The following CCKAR variants were observed in gnomAD, a reference collection of about 807,000 sequenced individuals.
CCKAR encodes the protein cholecystokinin A receptor, also known as cholecystokinin receptor type A.
Under a neutral mutation model 29.8 loss-of-function variants are expected in CCKAR, and 21 were observed. The observed-to-expected ratio is 0.70, with a 90% confidence interval of 0.50 to 1.01. CCKAR has a LOEUF of 1.01. Ranked by LOEUF, CCKAR falls within the 50% of genes least tolerant of loss-of-function variation. The pLI is 0.00. For synonymous variants in CCKAR, 238 were observed against 221.3 expected (o/e 1.08, Z -0.67); for missense variants, 570 against 560.6 (o/e 1.02, Z -0.17).
chr4:26,485,126 C>T lies in CCKAR; in HGVS notation c.626+511G>A, dbSNP rs546874386. 2.8e-4 allele frequency among the ~76,000 whole-genome samples: 41 copies of T among 148,668 alleles called. No homozygotes were observed. In the East Asian group the frequency reaches 8.0e-3, roughly 29 times the overall value. On this transcript the variant is annotated intron_variant, in intron 3 of 4. Transcript: ENST00000295589. ...GGAGAATTGCTTGAACCCGGGAGGTCGAGGTTGTGGTGAGCCGAGGTCACA... is the reference window on the plus strand; with the variant it reads ...GGAGAATTGCTTGAACCCGGGAGGTTGAGGTTGTGGTGAGCCGAGGTCACA...
intron 2 of CCKAR, among the ~76,000 whole-genome samples, chr4:26,487,919 CTTTT>C (rs35131979): frequency 1.5e-5 from 2 of 129,834 alleles, no homozygotes; most frequent in East Asian, 4.4e-4. Flanking sequence ...TAAGTTTTGT[CTTTT>C]TTTTTTTTTT....
At chr4:26,486,701 G>T (rs968990940) in intron 2 of CCKAR, among the ~76,000 whole-genome samples, 3 of 152,256 alleles carry the variant, frequency 2.0e-5, no homozygotes, top group African/African-American at 7.2e-5. Context: ...ATCACTTGAG[G>T]TCAGGAGCTT....
In CCKAR at chr4:26,490,369, T is replaced by C. The variant is rs1305499666; in HGVS notation, c.-102A>G. 3.9e-6 allele frequency: 3 copies of C among 773,236 alleles called. No homozygotes were observed. Among genetic ancestry groups the C allele is most frequent in the Admixed American group, 4.1e-5 (2 of 48,562 alleles). The allele number at this position is 773,236 out of a possible 1,614,324, so 47.9% of individuals were successfully genotyped here. A position where few individuals can be genotyped will look rare whatever the true frequency, so the allele number is the denominator to read the frequency against. ...AGCGTCTCGCAGATGCAACCTGCCG[T>C]GGAGGAGCAGGGAGGGAGTGATTTC... On this transcript the variant is annotated 5_prime_UTR_variant, in exon 1 of 5. Transcript: ENST00000295589.
chr4:26,485,256 C>G (rs1179592001), intron 3 of CCKAR, among the ~76,000 whole-genome samples: 2 of 151,528 alleles, frequency 1.3e-5, no homozygotes, highest in South Asian at 2.1e-4. Context: ...ATCAGCCTAA[C>G]CCTCCACTAC....
In CCKAR at chr4:26,482,057, T is replaced by C; in HGVS notation, c.868A>G (p.Ser290Gly). The change falls in exon 5 of 5, where the codon AGC (serine) becomes GGC (glycine). Residue 290 changes from serine to glycine, a missense_variant. Ser to Gly is a moderately conservative substitution (Grantham distance 56). Transcript: ENST00000295589. ...LELRQLSTGS[S>G]SRANRIRSNS... ...CTCCGGATGCGGTTGGCCCTGCTGC[T>C]GCTGCCGGTGGACAGCTGCCGGAGC... 1 of 1,614,238 alleles carries C rather than the reference T, an allele frequency of 6.2e-7. No individual in the cohort carries two copies. The highest frequency in any genetic ancestry group is 8.5e-7 in the Non-Finnish European group (1 of 1,180,034).
In CCKAR at chr4:26,482,082, C is replaced by A. The variant is rs769427298; in HGVS notation, c.843G>T (p.Glu281Asp). 1 of 1,614,234 alleles carries A rather than the reference C, an allele frequency of 6.2e-7. No individual in the cohort carries two copies. Among genetic ancestry groups the A allele is most frequent in the South Asian group, 1.1e-5 (1 of 91,084 alleles). Residue 281 changes from glutamate (E) to aspartate (D), a missense_variant, in exon 5 of 5, where the codon GAG becomes GAT. Coordinates refer to ENST00000295589, the MANE Select transcript of CCKAR (RefSeq NM_000730.3). ...TGCTGCCGGTGGACAGCTGCCGGAG[C>A]TCCAGCTTCCTCGGGGGCCTGGTCT... ...LQKTRPPRKL[E>D]LRQLSTGSSS...
chr4:26,487,056 T>C (rs890332515), intron 2 of CCKAR, among the ~76,000 whole-genome samples: 2 of 152,232 alleles, frequency 1.3e-5, no homozygotes, highest in African/African-American at 2.4e-5. Context: ...TGTATATGCA[T>C]ACTTATTAAA....
At position 26,482,100 on chromosome 4, in the gene CCKAR, C is replaced by T; in HGVS notation, c.825G>A (p.Arg275=). 6.2e-7 allele frequency: 1 copy of T among 1,614,178 alleles called. No individual in the cohort carries two copies. The highest frequency in any genetic ancestry group is 2.2e-5 in the East Asian group (1 of 44,862). ...DSDGCYLQKT[R]PPRKLELRQL... ...GCCGGAGCTCCAGCTTCCTCGGGGG[C>T]CTGGTCTTTTGCAGGTAACACCCAT... Residue 275 remains arginine, a synonymous_variant, in exon 5 of 5, where the codon AGG becomes AGA. Coordinates refer to ENST00000295589, the MANE Select transcript of CCKAR (RefSeq NM_000730.3).
Position 26,483,179 on chromosome 4 carries a change from G to C in CCKAR, c.731C>G (p.Ala244Gly). The stretch of plus-strand genomic sequence containing the variant: ...ACCTTTAGCAGACTTCTTCTGGCTA[G>C]CCTCAAATTTTATTCCCTGGTAGAG... ...LELYQGIKFE[A>G]SQKKSAKERK... Residue 244 changes from alanine (A) to glycine (G), a missense_variant, in exon 4 of 5, where the codon GCT becomes GGT. By Grantham distance (60) the Ala-to-Gly change is moderately conservative. Transcript: ENST00000295589. The C allele has an allele frequency of 6.2e-7, 1 of 1,613,754 alleles. No homozygotes were observed. Among genetic ancestry groups the C allele is most frequent in the Non-Finnish European group, 8.5e-7 (1 of 1,179,864 alleles).
chr4:26,486,288 T>C (rs1737449035), intron 2 of CCKAR, among the ~76,000 whole-genome samples: 1 of 152,226 alleles, frequency 6.6e-6, no homozygotes, highest in Non-Finnish European at 1.5e-5. Context: ...ATCGTCTGCA[T>C]AGTTAAAATG....
Position 26,482,063 on chromosome 4 carries a change from C to T in CCKAR, c.862G>A (p.Gly288Ser), listed in dbSNP as rs199789816. 19 of 1,614,206 alleles carry T rather than the reference C, an allele frequency of 1.2e-5. No individual in the cohort carries two copies. Among genetic ancestry groups the T allele is most frequent in the Admixed American group, 5.0e-5 (3 of 60,020 alleles). ...ATGCGGTTGGCCCTGCTGCTGCTGC[C>T]GGTGGACAGCTGCCGGAGCTCCAGC... Reference protein sequence around the residue: ...RKLELRQLSTGSSSRANRIRS... With the variant: ...RKLELRQLSTSSSSRANRIRS... Residue 288 changes from glycine (G) to serine (S), a missense_variant, in exon 5 of 5, where the codon GGC (glycine) becomes AGC (serine). By Grantham distance (56) the Gly-to-Ser change is moderately conservative. Transcript: ENST00000295589.
chr4:26,482,532 G>T (rs1019222187), intron 4 of CCKAR, among the ~76,000 whole-genome samples: 1 of 152,122 alleles, frequency 6.6e-6, no homozygotes, highest in Non-Finnish European at 1.5e-5. Flanking sequence ...GAGGAATCTG[G>T]ATAAGAAGAA....
Position 26,490,468 on chromosome 4 carries a change from G to T in CCKAR, c.-201C>A, listed in dbSNP as rs1737539744. 1 of 521,418 alleles carries T rather than the reference G, an allele frequency of 1.9e-6. No homozygotes were observed. Among genetic ancestry groups the T allele is most frequent in the Non-Finnish European group, 3.5e-6 (1 of 286,502 alleles). The allele number at this position is 521,418 out of a possible 1,614,324, so 32.3% of individuals were successfully genotyped here. ...CACTCACTCCAGCATTTGTACTCCTGTTGTGGAAAAGGCAGTGAGCACAAG... is the reference window on the plus strand; with the variant it reads ...CACTCACTCCAGCATTTGTACTCCTTTTGTGGAAAAGGCAGTGAGCACAAG... On this transcript the variant is annotated 5_prime_UTR_variant, in exon 1 of 5. Transcript: ENST00000295589.
At chr4:26,489,633 G>A (rs577963148) in intron 1 of CCKAR, 149 bp from the exon 2 acceptor site, 10 of 832,632 alleles carry the variant, frequency 1.2e-5, no homozygotes, top group African/African-American at 1.0e-4. Flanking sequence ...AACATTTTGC[G>A]GAAACAAATT....
chr4:26,482,041 C>A lies in CCKAR; in HGVS notation c.884G>T (p.Arg295Leu), dbSNP rs1290418794. ...GGCTGCGGAGCTGTTACTCCGGATG[C>A]GGTTGGCCCTGCTGCTGCTGCCGGT... ...LSTGSSSRANRIRSNSSAANL... is the reference protein window; with the variant it reads ...LSTGSSSRANLIRSNSSAANL... The change falls in exon 5 of 5, where the codon CGC (arginine) becomes CTC (leucine). Residue 295 changes from arginine to leucine, a missense_variant. Arg to Leu is a moderately radical substitution (Grantham distance 102, BLOSUM62 -2). Transcript: ENST00000295589. 6.2e-7 allele frequency: 1 copy of A among 1,614,124 alleles called. No individual in the cohort carries two copies. The highest frequency in any genetic ancestry group is 1.3e-5 in the African/African-American group (1 of 74,948).
rs1737348917 is a variant in CCKAR, at chr4:26,481,732, C to T, written c.1193G>A (p.Gly398Glu). The T allele has an allele frequency of 6.2e-7, 1 of 1,614,190 alleles. No individual in the cohort carries two copies. The highest frequency in any genetic ancestry group is 2.2e-5 in the East Asian group (1 of 44,874). Residue 398 changes from glycine (G) to glutamate (E), a missense_variant, in exon 5 of 5, where the codon GGA becomes GAA. Transcript: ENST00000295589. Reference protein sequence around the residue: ...CPNPGPPGARGEVGEEEEGGT... With the variant: ...CPNPGPPGAREEVGEEEEGGT... ...GCCTTCCTCCTCCTCCCCCACCTCT[C>T]CCCTCGCCCCTGGGGGACCAGGATT...
In CCKAR at chr4:26,481,825, G is replaced by T; in HGVS notation, c.1100C>A (p.Pro367His). The T allele has an allele frequency of 1.2e-6, 2 of 1,613,786 alleles. No individual in the cohort carries two copies. The highest frequency in any genetic ancestry group is 1.7e-6 in the Non-Finnish European group (2 of 1,179,842). ...LLSYTSSCVN[P>H]IIYCFMNKRF... ...TTTGTTCATGAAGCAGTAGATGATG[G>T]GGTTGACGCAGGAGGAGGTGTAGGA... Residue 367 changes from proline to histidine, a missense_variant, in exon 5 of 5, where the codon CCC becomes CAC. Coordinates refer to ENST00000295589, the MANE Select transcript of CCKAR (RefSeq NM_000730.3).
intron 3 of CCKAR, among the ~76,000 whole-genome samples, chr4:26,483,883 T>A (rs902154449): frequency 6.6e-6 from 1 of 152,238 alleles, no homozygotes; most frequent in African/African-American, 2.4e-5. Flanking sequence ...CATCACGGTA[T>A]ACCATTTGCC....
rs1399907441 is a variant in CCKAR, at chr4:26,483,223, A to T, written c.687T>A (p.Tyr229Ter). ...GGTAGAGTTCCAAAGAGATTAATCCATATGCCACCATCATCACAATTCCAG... is the reference window on the plus strand; with the variant it reads ...GGTAGAGTTCCAAAGAGATTAATCCTTATGCCACCATCATCACAATTCCAG... ...LIPGIVMMVAYGLISLELYQG... is the reference protein window; with the variant it reads ...LIPGIVMMVA Residue 229 changes from tyrosine (Y) to a stop codon, truncating the protein, a stop_gained, in exon 4 of 5, where the codon TAT (tyrosine) becomes TAA (stop). Transcript: ENST00000295589. LOFTEE classifies it high-confidence loss of function. The T allele has an allele frequency of 6.2e-7, 1 of 1,613,684 alleles. No homozygotes were observed. The highest frequency in any genetic ancestry group is 2.2e-5 in the East Asian group (1 of 44,830).
Sources: gnomAD v4.1 joint callset for allele counts (sites outside exome capture counted in the v4.1 genomes callset) on GRCh38, gnomAD v4.1.1 for gene constraint, MANE v1.5 for transcripts, NCBI Gene and HGNC (gene_info 2026-07-23, HGNC 2026-07-21) for gene names.